GSTM4: variants seen among roughly 807,000 people sequenced by gnomAD.
GSTM4 encodes the protein glutathione S-transferase mu 4, also known as GST class-mu 4.
In GSTM4, 27 loss-of-function variants were observed where a neutral mutation model predicts 30.1. The observed-to-expected ratio is 0.90, with a 90% CI of 0.66 to 1.24. The LOEUF is 1.24. GSTM4 is among the 50% of genes most tolerant of loss of function. The pLI is 0.00. For missense variants in GSTM4, 238 were observed against 272.1 expected, an observed-to-expected ratio of 0.87 and a Z score of 0.88; for synonymous variants, 94 against 96.2, an observed-to-expected ratio of 0.98 and a Z score of 0.13.
rs774375329 is a variant in GSTM4, at chr1:109,659,027, G to A, written c.484G>A (p.Asp162Asn). 1.9e-6 allele frequency: 3 copies of A among 1,614,064 alleles called. No homozygotes were observed. Among genetic ancestry groups the A allele is most frequent in the Non-Finnish European group, 8.5e-7 (1 of 1,180,042 alleles). Reference protein sequence around the residue: ...KITFVDFLAYDVLDLHRIFEP... With the variant: ...KITFVDFLAYNVLDLHRIFEP... Reference sequence around the variant, plus strand: ...CACCTTTGTAGATTTCCTCGCCTATGATGTCCTTGACCTCCACCGTATATT... The same window carrying A: ...CACCTTTGTAGATTTCCTCGCCTATAATGTCCTTGACCTCCACCGTATATT... The change falls in exon 7 of 8, where the codon GAT (aspartate) becomes AAT (asparagine). Residue 162 changes from aspartate (D) to asparagine (N), a missense_variant. Asp to Asn is a conservative substitution (Grantham distance 23). Transcript: ENST00000369836.
At chr1:109,657,499 G>T (rs1425699026) in intron 3 of GSTM4, 91 bp from the exon 4 acceptor site, 2 of 1,574,584 alleles carry the variant, frequency 1.3e-6, no homozygotes, top group South Asian at 2.2e-5. Flanking sequence ...CACAGTGAGT[G>T]CCTGGTCTCC....
At chr1:109,657,194 A>G (rs749698064) in intron 2 of GSTM4, 21 bp from the exon 3 acceptor site, 3 of 1,611,916 alleles carry the variant, frequency 1.9e-6, no homozygotes, top group Non-Finnish European at 1.7e-6. Context: ...GTTTGTTTTC[A>G]CTTCTTCTTC....
downstream of GSTM4, among the ~76,000 whole-genome samples, chr1:109,665,986 T>C (rs1228118128): frequency 1.3e-5 from 2 of 152,168 alleles, no homozygotes; most frequent in Non-Finnish European, 2.9e-5. Context: ...CTAATGGGGG[T>C]GTTAAATGCA....
In GSTM4 at chr1:109,658,989, G is replaced by A. The variant is rs753452946; in HGVS notation, c.457-11G>A. The A allele has an allele frequency of 2.5e-6, 4 of 1,614,056 alleles. No individual in the cohort carries two copies. The highest frequency in any genetic ancestry group is 3.4e-6 in the Non-Finnish European group (4 of 1,179,904). On this transcript the variant is annotated splice_polypyrimidine_tract_variant and intron_variant, in intron 6 of 7. Coordinates refer to ENST00000369836, the MANE Select transcript of GSTM4 (RefSeq NM_000850.5). ...AGAGATTCCAGCCCACACATTCTTG[G>A]CCTTCTGCAGATCACCTTTGTAGAT...
chr1:109,659,645 G>A (rs1422043027), intron 7 of GSTM4: 2 of 353,394 alleles, frequency 5.7e-6, no homozygotes, highest in Middle Eastern at 9.3e-4. Context: ...AGACCCCCAC[G>A]TGGGGAATCC....
downstream of GSTM4, chr1:109,665,141 G>A (rs1176912726): frequency 1.3e-6 from 1 of 782,738 alleles, no homozygotes; most frequent in East Asian, 2.5e-5. Flanking sequence ...TGAATCAGAA[G>A]ACAGCAAAGA....
At chr1:109,657,034 G>T in intron 2 of GSTM4, 181 bp from the exon 3 acceptor site, 2 of 799,906 alleles carry the variant, frequency 2.5e-6, no homozygotes, top group African/African-American at 1.7e-5. Context: ...AGCCTTAGCC[G>T]TGTGGGGTCC....
intron 7 of GSTM4, 158 bp downstream of exon 7, chr1:109,659,268 G>A (rs1271011092): frequency 1.3e-6 from 2 of 1,599,272 alleles, no homozygotes; most frequent in Admixed American, 3.5e-5. Flanking sequence ...CTATCGTGTG[G>A]AATTTGAAAT....
At chr1:109,667,586 TA>T, downstream of GSTM4, among the ~76,000 whole-genome samples, 1 of 152,342 alleles carries the variant, frequency 6.6e-6, no homozygotes, top group Non-Finnish European at 1.5e-5. Context: ...CAGTGAGTTA[TA>T]ATCATCCTTG....
downstream of GSTM4, among the ~76,000 whole-genome samples, chr1:109,664,637 G>A (rs1241534657): frequency 1.3e-5 from 2 of 152,156 alleles, no homozygotes; most frequent in East Asian, 1.9e-4. Flanking sequence ...TAGGATTACA[G>A]GCTTGAGCCA....
chr1:109,656,110 G>A lies in GSTM4; in HGVS notation c.-280G>A, dbSNP rs1570613379. ...AGGCCGAGCCCCTCCTAGTGCTTCCGGACCTTGCTCCCTGAACACTCGGAG... is the reference window on the plus strand; with the variant it reads ...AGGCCGAGCCCCTCCTAGTGCTTCCAGACCTTGCTCCCTGAACACTCGGAG... On this transcript the variant is annotated 5_prime_UTR_variant, in exon 1 of 8. Transcript: ENST00000369836. 2 of 440,410 alleles carry A rather than the reference G, an allele frequency of 4.5e-6. No individual in the cohort carries two copies. The highest frequency in any genetic ancestry group is 2.0e-5 in the African/African-American group (1 of 49,608). The allele number at this position is 440,410 out of a possible 1,614,324, so 27.3% of individuals were successfully genotyped here. A position where few individuals can be genotyped will look rare whatever the true frequency, so the allele number is the denominator to read the frequency against.
downstream of GSTM4, among the ~76,000 whole-genome samples, chr1:109,662,120 C>T (rs1368657915): frequency 6.6e-6 from 1 of 152,222 alleles, no homozygotes; most frequent in Admixed American, 6.5e-5. Flanking sequence ...AGCCACCATG[C>T]CTGGCCCTGT....
Position 109,656,128 on chromosome 1 carries a change from A to C in GSTM4, c.-262A>C, listed in dbSNP as rs538034241. On this transcript the variant is annotated 5_prime_UTR_variant, in exon 1 of 8. Transcript: ENST00000369836. Reference sequence around the variant, plus strand: ...TGCTTCCGGACCTTGCTCCCTGAACACTCGGAGGTGGCGGTGGATCTTACT... The same window carrying C: ...TGCTTCCGGACCTTGCTCCCTGAACCCTCGGAGGTGGCGGTGGATCTTACT... The C allele has an allele frequency of 1.9e-5, 9 of 471,058 alleles. No individual in the cohort carries two copies. Among genetic ancestry groups the C allele is most frequent in the Admixed American group, 1.7e-4 (5 of 29,498 alleles). The allele number at this position is 471,058 out of a possible 1,614,324, so 29.2% of individuals were successfully genotyped here.
chr1:109,667,113 C>A (rs1647354914), downstream of GSTM4, among the ~76,000 whole-genome samples: 2 of 152,000 alleles, frequency 1.3e-5, no homozygotes, highest in Admixed American at 1.3e-4. Context: ...TCCAGACAGA[C>A]CTACATGTCC....
downstream of GSTM4, among the ~76,000 whole-genome samples, chr1:109,662,665 T>C (rs1049295005): frequency 2.6e-5 from 4 of 152,186 alleles, no homozygotes; most frequent in Non-Finnish European, 4.4e-5. Context: ...TGCTCAACAT[T>C]ATTAGAAAGC....
At chr1:109,666,902 A>G (rs1160654670), downstream of GSTM4, among the ~76,000 whole-genome samples, 1 of 151,990 alleles carries the variant, frequency 6.6e-6, no homozygotes, top group Non-Finnish European at 1.5e-5. Context: ...ATTTTTTTGC[A>G]TTTTTAGTAC....
At chr1:109,657,162 A>G (rs1652040138) in intron 2 of GSTM4, 53 bp from the exon 3 acceptor site, 2 of 1,596,446 alleles carry the variant, frequency 1.3e-6, no homozygotes, top group African/African-American at 2.7e-5. Context: ...GTCCCCGGGA[A>G]GGAGGGCTGG....
downstream of GSTM4, among the ~76,000 whole-genome samples, chr1:109,664,285 A>G (rs543307809): frequency 6.8e-6 from 1 of 147,170 alleles, no homozygotes; most frequent in South Asian, 2.2e-4. Context: ...ACAAGGCAAA[A>G]GGTGAGAATG....
At chr1:109,658,216 A>AAGAAGTAT (rs1652125642) in intron 5 of GSTM4, 1 of 337,604 alleles carries the variant, frequency 3.0e-6, no homozygotes, top group Non-Finnish European at 5.6e-6. Flanking sequence ...CTATGGGGTA[A>AAGAAGTAT]AGAAGTATGT....
Sources: allele counts gnomAD v4.1 joint callset (sites outside exome capture counted in the v4.1 genomes callset), GRCh38; gene constraint gnomAD v4.1.1; transcripts MANE v1.5; gene names NCBI Gene and HGNC (gene_info 2026-07-23, HGNC 2026-07-21).